PCSK7: variants seen among roughly 807,000 people sequenced by gnomAD.
PCSK7 encodes proprotein convertase subtilisin/kexin type 7.
A neutral mutation model predicts 73.3 loss-of-function variants in PCSK7; 38 were observed. That is an observed-to-expected ratio of 0.52 (90% confidence interval 0.40 to 0.68). The LOEUF (loss-of-function observed/expected upper bound fraction) is 0.68. Ranked by LOEUF, PCSK7 falls within the 30% of genes least tolerant of loss-of-function variation. The pLI is 0.00. For synonymous variants in PCSK7, 296 were observed against 383.8 expected, an observed-to-expected ratio of 0.77 and a Z score of 2.68; for missense variants, 692 against 991.5, an observed-to-expected ratio of 0.70 and a Z score of 4.06.
intron 12 of PCSK7, chr11:117,216,412 G>A (rs549742402): frequency 1.5e-4 from 22 of 151,114 alleles, no homozygotes; most frequent in African/African-American, 5.4e-4. Context: ...GACTTCCTGG[G>A]ACTGAGCTGC....
intron 12 of PCSK7, chr11:117,213,950 CTTTT>C (rs1450481233): frequency 1.2e-4 from 15 of 120,766 alleles, no homozygotes; most frequent in African/African-American, 4.3e-4. Flanking sequence ...CTTTTCTTTT[CTTTT>C]TCTTTTTTTT....
intron 4 of PCSK7, 114 bp from the exon 5 acceptor site, chr11:117,227,436 C>T: frequency 2.5e-6 from 2 of 792,998 alleles, no homozygotes; most frequent in Non-Finnish European, 4.4e-6. Context: ...GGGCGATAAG[C>T]TCATTTCTCA....
At chr11:117,223,872 T>C in intron 8 of PCSK7, 1 of 574,254 alleles carries the variant, frequency 1.7e-6, no homozygotes, top group Non-Finnish European at 3.1e-6. Context: ...CTCGGTGATC[T>C]CCAGATGATG....
Position 117,218,546 on chromosome 11 carries a change from A to G in PCSK7, c.1454T>C (p.Leu485Ser). Residue 485 changes from leucine to serine, a missense_variant, in exon 12 of 17, where the codon TTA (leucine) becomes TCA (serine). This residue lies in a region of PCSK7 where 574 missense variants were observed against 689.8 expected (regional missense o/e 0.83). Coordinates refer to ENST00000320934, the MANE Select transcript of PCSK7 (RefSeq NM_004716.4). The surrounding 1 kb of genome is among the most constrained non-coding windows in gnomAD (Gnocchi z 4.0). ...AAKIWTSVPY[L>S]ASYVSPVLKE... ...TAACACGGGACTGACGTAGGATGCT[A>G]AGTAAGGGACAGATGTCCAGATCTA... is the stretch of plus-strand genomic sequence containing the variant. 1 of 1,606,894 alleles carries G rather than the reference A, an allele frequency of 6.2e-7. No individual in the cohort carries two copies. Among genetic ancestry groups the G allele is most frequent in the East Asian group, 2.2e-5 (1 of 44,558 alleles).
At position 117,228,332 on chromosome 11, in the gene PCSK7, C is replaced by T. The variant is rs138884429; in HGVS notation, c.487G>A (p.Gly163Ser). Residue 163 changes from glycine (G) to serine (S), a missense_variant, in exon 4 of 17, where the codon GGC becomes AGC. Gly to Ser is a moderately conservative substitution (Grantham distance 56). This residue lies in a region of PCSK7 where 574 missense variants were observed against 689.8 expected (regional missense o/e 0.83). Coordinates refer to ENST00000320934, the MANE Select transcript of PCSK7 (RefSeq NM_004716.4). The stretch of plus-strand genomic sequence containing the variant: ...ACACCCGTCACGTTGATGTCCCTGC[C>T]CGGGCTCCGTCGGTTATTCTGTAAG... ...QWHLNNRRSP[G>S]RDINVTGVWE... The T allele has an allele frequency of 1.9e-6, 3 of 1,614,064 alleles. No individual in the cohort carries two copies. The highest frequency in any genetic ancestry group is 2.5e-6 in the Non-Finnish European group (3 of 1,179,946).
Position 117,219,732 on chromosome 11 carries a change from C to T in PCSK7, c.1182G>A (p.Lys394=). The change falls in exon 10 of 17, where the codon AAG becomes AAA. Residue 394 remains lysine (K), a synonymous_variant. Transcript: ENST00000320934. ...TGTGGCCCTCAGTGCAGCCAGTGCC[C>T]TTCTGAAGGTCCCAGTCAGTGGTCA... ...SIVTTDWDLQ[K]GTGCTEGHTG... is the part of the protein sequence containing the mutation. The T allele has an allele frequency of 1.3e-6, 2 of 1,588,176 alleles. No individual in the cohort carries two copies. The highest frequency in any genetic ancestry group is 1.7e-6 in the Non-Finnish European group (2 of 1,168,772).
chr11:117,219,402 G>T, intron 10 of PCSK7, 189 bp downstream of exon 10: 1 of 653,340 alleles, frequency 1.5e-6, no homozygotes, highest in Non-Finnish European at 2.6e-6. Context: ...CCCCTTTGCA[G>T]ATAAAATGAG....
At chr11:117,226,131 G>T in intron 5 of PCSK7, 110 bp from the exon 6 acceptor site, 11 of 658,744 alleles carry the variant, frequency 1.7e-5, no homozygotes, top group South Asian at 5.0e-5. Flanking sequence ...CATGCTCTTT[G>T]TACATTTTGC....
In PCSK7 at chr11:117,227,279, G is replaced by A. The variant is rs1293617046; in HGVS notation, c.647C>T (p.Pro216Leu). The change falls in exon 5 of 17, where the codon CCC becomes CTC. Residue 216 changes from proline to leucine, a missense_variant. Physicochemically the swap from Pro to Leu is moderately conservative, Grantham distance 98. Around this residue, in one of 6 missense-constraint regions of PCSK7, gnomAD observed 574 missense variants for 689.8 expected, o/e 0.83. Transcript: ENST00000320934. ...ATTCTCCACATCCGGGTGGGGCATG[G>A]GGTCAGGGTCATTAGAGTTGAGGTC... ...SYDLNSNDPDPMPHPDVENGN... is the reference protein window; with the variant it reads ...SYDLNSNDPDLMPHPDVENGN... 2 of 1,613,740 alleles carry A rather than the reference G, an allele frequency of 1.2e-6. No individual in the cohort carries two copies. Among genetic ancestry groups the A allele is most frequent in the Non-Finnish European group, 1.7e-6 (2 of 1,179,766 alleles).
chr11:117,223,096 G>A, intron 9 of PCSK7, 112 bp downstream of exon 9: 3 of 738,210 alleles, frequency 4.1e-6, no homozygotes, highest in South Asian at 1.5e-5. Flanking sequence ...GGGGGAAGAG[G>A]AGCCTGAGTG....
Position 117,206,263 on chromosome 11 carries a change from C to G in PCSK7, c.2092G>C (p.Val698Leu). Reference protein sequence around the residue: ...LSQRNVASNQVCRSGPCHWPH... With the variant: ...LSQRNVASNQLCRSGPCHWPH... ...CAGTGGCAGGGTCCACTCCTACAAA[C>G]TTGATTGGAAGCCACATTCCTCTGG... is the stretch of plus-strand genomic sequence containing the variant. Residue 698 changes from valine (V) to leucine (L), a missense_variant, in exon 17 of 17, where the codon GTT (valine) becomes CTT (leucine). Physicochemically the swap from Val to Leu is conservative, Grantham distance 32 (BLOSUM62 1). Around this residue, in one of 6 missense-constraint regions of PCSK7, gnomAD observed 78 missense variants for 102.6 expected, o/e 0.76. Coordinates refer to ENST00000320934, the MANE Select transcript of PCSK7 (RefSeq NM_004716.4). 1 of 1,614,056 alleles carries G rather than the reference C, an allele frequency of 6.2e-7. No individual in the cohort carries two copies. The highest frequency in any genetic ancestry group is 2.2e-5 in the East Asian group (1 of 44,898).
intron 6 of PCSK7, chr11:117,225,424 TGAG>T (rs899105886): frequency 8.2e-5 from 13 of 159,470 alleles, no homozygotes; most frequent in Admixed American, 3.6e-4. Context: ...GTTCTCAGGT[TGAG>T]GAGTTCTCTA....
In PCSK7 at chr11:117,218,906, A is replaced by C. The variant is rs75769590; in HGVS notation, c.1431+151T>G. On this transcript the variant is annotated intron_variant, in intron 11 of 16. Coordinates refer to ENST00000320934, the MANE Select transcript of PCSK7 (RefSeq NM_004716.4). The surrounding 1 kb of genome is among the most constrained non-coding windows in gnomAD (Gnocchi z 4.0). ...GCCTGCTTTCTCATTTGTAAAATGG[A>C]TATCAGCTGGGATGAAGGTTGAAGT... The C allele has an allele frequency of 3.4e-6, 2 of 596,494 alleles. No individual in the cohort carries two copies. The highest frequency in any genetic ancestry group is 5.9e-6 in the Non-Finnish European group (2 of 336,344). The allele number at this position is 596,494 out of a possible 1,614,324, so 37.0% of individuals were successfully genotyped here. A position where few individuals can be genotyped will look rare whatever the true frequency, so the allele number is the denominator to read the frequency against.
intron 3 of PCSK7, among the ~76,000 whole-genome samples, chr11:117,228,616 T>C (rs1211137114): frequency 6.9e-6 from 1 of 144,366 alleles, no homozygotes; most frequent in East Asian, 1.9e-4. Flanking sequence ...ACACTTCTTT[T>C]TTTTTTTTTT....
At chr11:117,219,481 G>A in intron 10 of PCSK7, 110 bp downstream of exon 10, 1 of 1,082,436 alleles carries the variant, frequency 9.2e-7, no homozygotes, top group South Asian at 1.5e-5. Flanking sequence ...AAGGGACTCT[G>A]AAAGAGACTT....
chr11:117,225,594 T>G, intron 6 of PCSK7: 1 of 327,820 alleles, frequency 3.1e-6, no homozygotes, highest in Non-Finnish European at 5.8e-6. Flanking sequence ...GTGCAGTGCA[T>G]TGGCGTGGGG....
intron 6 of PCSK7, 32 bp from the exon 7 acceptor site, chr11:117,224,787 C>G (rs1162085191): frequency 6.3e-7 from 1 of 1,580,310 alleles, no homozygotes; most frequent in East Asian, 2.2e-5. Context: ...GAGGGGACAG[C>G]CAGAGCCAGG....
intron 12 of PCSK7, chr11:117,210,847 GA>G (rs2031697329): frequency 6.6e-6 from 1 of 152,126 alleles, no homozygotes; most frequent in South Asian, 2.1e-4. Context: ...AGGGTGGGAG[GA>G]TGGCTTGAGC....
chr11:117,226,955 A>G (rs574043942), intron 5 of PCSK7: 1 of 486,810 alleles, frequency 2.1e-6, no homozygotes, highest in East Asian at 3.5e-5. Flanking sequence ...AAATAGAAAA[A>G]CATGTTTGAA....
Sources: allele counts gnomAD v4.1 joint callset (sites outside exome capture counted in the v4.1 genomes callset), GRCh38; gene constraint gnomAD v4.1.1; regional missense constraint gnomAD v4.1.1; non-coding constraint Gnocchi (gnomAD v3.1); transcripts MANE v1.5; gene names NCBI Gene and HGNC (gene_info 2026-07-23, HGNC 2026-07-21).